The following RORA variants were observed in gnomAD, a reference collection of about 807,000 sequenced individuals.
RORA encodes the protein nuclear receptor ROR-alpha.
In RORA, 7 loss-of-function variants were observed where a neutral mutation model predicts 69.5. The ratio of observed to expected loss-of-function variants is 0.10; its 90% CI spans 0.06 to 0.19. The LOEUF (loss-of-function observed/expected upper bound fraction) is 0.19, where lower values mean the gene tolerates loss of function less well. Among genes scored for constraint, RORA ranks in the 10% least tolerant of loss-of-function variants. The pLI is 1.00. For missense variants in RORA, 457 were observed against 663.0 expected, an observed-to-expected ratio of 0.69 and a Z score of 3.41; for synonymous variants, 261 against 240.8, an observed-to-expected ratio of 1.08 and a Z score of -0.78.
chr15:61,076,091 C>T (rs2078445402), intron 1 of RORA, among the ~76,000 whole-genome samples: 1 of 152,190 alleles, frequency 6.6e-6, no homozygotes, highest in South Asian at 2.1e-4. Context: ...GGAAAAATGT[C>T]TGTGGAGGGG....
chr15:61,127,149 A>T (rs1196490608), intron 1 of RORA, among the ~76,000 whole-genome samples: 3 of 152,188 alleles, frequency 2.0e-5, no homozygotes, highest in Non-Finnish European at 2.9e-5. Context: ...CAGTCTTCAA[A>T]CTGCTTCCAC....
intron 2 of RORA, among the ~76,000 whole-genome samples, chr15:60,573,214 C>T (rs982480940): frequency 3.9e-5 from 6 of 152,184 alleles, no homozygotes; most frequent in Admixed American, 3.3e-4. Flanking sequence ...GTTTTCCCTC[C>T]TTCTGGCAGC....
At chr15:60,792,629 C>T (rs111503888) in intron 1 of RORA, among the ~76,000 whole-genome samples, 45 of 152,154 alleles carry the variant, frequency 3.0e-4, no homozygotes, top group Non-Finnish European at 5.0e-4. Flanking sequence ...GGCCAGAAGA[C>T]AACGGAATAA....
At chr15:60,716,879 C>T (rs776051522) in intron 1 of RORA, among the ~76,000 whole-genome samples, 1 of 152,212 alleles carries the variant, frequency 6.6e-6, no homozygotes, top group Non-Finnish European at 1.5e-5. Context: ...CCATACTTAA[C>T]CCTAAACATC....
intron 1 of RORA, among the ~76,000 whole-genome samples, chr15:60,851,789 T>TC (rs1396238337): frequency 6.6e-6 from 1 of 151,478 alleles, no homozygotes. Flanking sequence ...TTTTTTTTTT[T>TC]CCCCACAATA....
intron 1 of RORA, among the ~76,000 whole-genome samples, chr15:61,082,088 C>T (rs760252238): frequency 2.6e-5 from 4 of 152,156 alleles, no homozygotes; most frequent in Non-Finnish European, 5.9e-5. Context: ...TTGTAAAGTG[C>T]TGTACTTCTT....
At chr15:60,538,345 A>ATGGGAATAAT (rs2066746356) in intron 2 of RORA, among the ~76,000 whole-genome samples, 1 of 152,136 alleles carries the variant, frequency 6.6e-6, no homozygotes, top group South Asian at 2.1e-4. Context: ...ATCCATAAAA[A>ATGGGAATAAT]TGGGAATAAT....
At chr15:60,812,298 G>A (rs2072755332) in intron 1 of RORA, among the ~76,000 whole-genome samples, 1 of 152,182 alleles carries the variant, frequency 6.6e-6, no homozygotes, top group African/African-American at 2.4e-5. Flanking sequence ...AAGCCCAGGA[G>A]TTTGAGACCA....
At chr15:60,930,974 C>A (rs1892357713) in intron 1 of RORA, among the ~76,000 whole-genome samples, 1 of 152,180 alleles carries the variant, frequency 6.6e-6, no homozygotes, top group Admixed American at 6.5e-5. Context: ...GGTCTGTTCT[C>A]TGAGGGTAAA....
chr15:60,912,477 G>A (rs939887659), intron 1 of RORA, among the ~76,000 whole-genome samples: 6 of 151,798 alleles, frequency 4.0e-5, no homozygotes, highest in Admixed American at 6.6e-5. Context: ...CCACCTCGCC[G>A]GGCATGGTGG....
At chr15:61,093,176 A>G (rs972816871) in intron 1 of RORA, among the ~76,000 whole-genome samples, 1 of 152,198 alleles carries the variant, frequency 6.6e-6, no homozygotes, top group African/African-American at 2.4e-5. Flanking sequence ...TTCCACAAAG[A>G]GATAAGGAAA....
intron 2 of RORA, among the ~76,000 whole-genome samples, chr15:60,573,300 AAAGTGCAG>A (rs2067934597): frequency 6.6e-6 from 1 of 152,230 alleles, no homozygotes. Context: ...TATATCAAGC[AAAGTGCAG>A]AAATCCATTG....
chr15:60,964,654 T>C (rs1893501566), intron 1 of RORA, among the ~76,000 whole-genome samples: 1 of 151,516 alleles, frequency 6.6e-6, no homozygotes, highest in Admixed American at 6.6e-5. Context: ...CAGCAAGACT[T>C]GGGGTGAGAT....
At chr15:60,541,173 T>C (rs1320317657) in intron 2 of RORA, among the ~76,000 whole-genome samples, 1 of 152,212 alleles carries the variant, frequency 6.6e-6, no homozygotes, top group East Asian at 1.9e-4. Flanking sequence ...TTGTAAGATC[T>C]TGAAGAATTA....
intron 1 of RORA, among the ~76,000 whole-genome samples, chr15:60,884,134 A>G (rs1412348314): frequency 1.3e-5 from 2 of 152,154 alleles, no homozygotes; most frequent in African/African-American, 4.8e-5. Flanking sequence ...CGTGGCTGAC[A>G]AATGGAATAA....
In RORA at chr15:61,122,578, T is replaced by C. The variant is rs150162947; in HGVS notation, c.166+106475A>G. 6.7e-4 allele frequency among the ~76,000 whole-genome samples: 102 copies of C among 152,250 alleles called. 3 individuals are homozygous for C. In the East Asian group the frequency reaches 0.017, roughly 26 times the overall value. On this transcript the variant is annotated intron_variant, in intron 1 of 10. Transcript: ENST00000335670. ...GTTTAAAGCCCTTTCTCAGATATGATCTCATAAATACCCTACGGAGGATAT... is the reference window on the plus strand; with the variant it reads ...GTTTAAAGCCCTTTCTCAGATATGACCTCATAAATACCCTACGGAGGATAT...
intron 2 of RORA, among the ~76,000 whole-genome samples, chr15:60,578,949 G>A (rs1456518307): frequency 1.3e-5 from 2 of 151,798 alleles, no homozygotes; most frequent in African/African-American, 4.8e-5. Flanking sequence ...ATTTTCAGTA[G>A]GGATGGGGTT....
chr15:61,142,608 C>T (rs1407754768), intron 1 of RORA, among the ~76,000 whole-genome samples: 1 of 152,132 alleles, frequency 6.6e-6, no homozygotes, highest in African/African-American at 2.4e-5. Flanking sequence ...AAAATATGAA[C>T]TCAAACATGA....
rs909022642 is a variant in RORA, at chr15:60,490,268, A to C, written c.*7187T>G. The C allele has an allele frequency of 6.6e-6, 1 of 152,008 alleles. No homozygotes were observed. The highest frequency in any genetic ancestry group is 1.5e-5 in the Non-Finnish European group (1 of 67,970). 9.4% of individuals were successfully genotyped at this position (152,008 alleles called of 1,614,324 possible). ...AAAAGGGATAATTTTTGTTGTTCACAAAAGTAACTTGTCTAGCACCACACA... is the reference window on the plus strand; with the variant it reads ...AAAAGGGATAATTTTTGTTGTTCACCAAAGTAACTTGTCTAGCACCACACA... On this transcript the variant is annotated 3_prime_UTR_variant, in exon 11 of 11. Coordinates refer to ENST00000335670, the MANE Select transcript of RORA (RefSeq NM_134261.3). The surrounding 1 kb of genome is among the most constrained non-coding windows in gnomAD (Gnocchi z 4.1).
Sources: allele counts gnomAD v4.1 joint callset (sites outside exome capture counted in the v4.1 genomes callset), GRCh38; gene constraint gnomAD v4.1.1; non-coding constraint Gnocchi (gnomAD v3.1); transcripts MANE v1.5; gene names NCBI Gene and HGNC (gene_info 2026-07-23, HGNC 2026-07-21).